Variants in ATP2C2 observed in about 807,000 individuals in gnomAD.
ATP2C2 encodes the protein calcium-transporting ATPase type 2C member 2.
ATP2C2 carries 171 observed loss-of-function variants against 110.8 expected under a neutral mutation model. The observed-to-expected ratio is 1.54, with a 90% CI of 1.36 to 1.75. The LOEUF (loss-of-function observed/expected upper bound fraction) is 1.75, where lower values mean the gene tolerates loss of function less well. ATP2C2 is among the 40% of genes most tolerant of loss of function. ATP2C2 has a pLI of 0.00. For synonymous variants in ATP2C2, 804 were observed against 508.4 expected (o/e 1.58, Z -7.82); for missense variants, 1,963 against 1,235.0 (o/e 1.59, Z -8.84).
chr16:84,447,950 G>A (rs948471292), intron 16 of ATP2C2, among the ~76,000 whole-genome samples: 6 of 151,368 alleles, frequency 4.0e-5, no homozygotes, highest in South Asian at 4.2e-4. Context: ...GTGCACCCAC[G>A]TGAGCCAGGT....
chr16:84,375,298 T>C (rs191810585), intron 1 of ATP2C2, among the ~76,000 whole-genome samples: 99 of 152,224 alleles, frequency 6.5e-4, no homozygotes, highest in African/African-American at 2.3e-3. Context: ...TCCCAGCACT[T>C]TGGGAGTCCC....
intron 11 of ATP2C2, 130 bp from the exon 12 acceptor site, chr16:84,439,036 T>C: frequency 7.3e-7 from 1 of 1,370,954 alleles, no homozygotes; most frequent in Non-Finnish European, 1.0e-6. Context: ...GGATTGGGAA[T>C]GGAGACTAGA....
At position 84,448,683 on chromosome 16, in the gene ATP2C2, T is replaced by A; in HGVS notation, c.1654T>A (p.Leu552Met). 1.2e-6 allele frequency: 2 copies of A among 1,611,738 alleles called. No homozygotes were observed. The highest frequency in any genetic ancestry group is 1.7e-6 in the Non-Finnish European group (2 of 1,178,728). Reference protein sequence around the residue: ...QEEKRMGSLGLRVLALASGPE... With the variant: ...QEEKRMGSLGMRVLALASGPE... ...AGAGAAGAGGATGGGGTCGCTCGGT[T>A]TGCGGGGTCAGTGCCTGTGGTCCCG... Residue 552 changes from leucine to methionine, a missense_variant, in exon 17 of 27, where the codon TTG (leucine) becomes ATG (methionine). Physicochemically the swap from Leu to Met is conservative, Grantham distance 15. Transcript: ENST00000262429.
In ATP2C2 at chr16:84,461,719, T is replaced by A; in HGVS notation, c.2487T>A (p.Pro829=). 6.2e-7 allele frequency: 1 copy of A among 1,614,120 alleles called. No individual in the cohort carries two copies. Among genetic ancestry groups the A allele is most frequent in the Non-Finnish European group, 8.5e-7 (1 of 1,179,954 alleles). ...CCTTTGTGCTCACCTTCCAGATGCC[T>A]GAAGACAGAGCAAGCACTCCCCGCA... ...GTLFIFWKEM[P]EDRASTPRTT... The change falls in exon 25 of 27, where the codon CCT becomes CCA. Residue 829 remains proline (P), a synonymous_variant. Transcript: ENST00000262429.
chr16:84,410,692 G>T lies in ATP2C2; in HGVS notation c.454-12G>T. ...CACCTTTAAACAGCACATCTGATGT[G>T]CTTCCTGCCAGGAGTACAGGTCGGA... On this transcript the variant is annotated splice_polypyrimidine_tract_variant and intron_variant, in intron 5 of 26. Transcript: ENST00000262429. The T allele has an allele frequency of 6.2e-7, 1 of 1,614,130 alleles. No homozygotes were observed. Among genetic ancestry groups the T allele is most frequent in the Non-Finnish European group, 8.5e-7 (1 of 1,179,996 alleles).
At chr16:84,389,242 G>C (rs1050766074) in intron 1 of ATP2C2, among the ~76,000 whole-genome samples, 1 of 152,134 alleles carries the variant, frequency 6.6e-6, no homozygotes, top group Non-Finnish European at 1.5e-5. Context: ...TCTTCCCTCA[G>C]CCCAGAAGGC....
intron 25 of ATP2C2, 37 bp from the exon 26 acceptor site, chr16:84,461,951 A>G: frequency 1.2e-6 from 2 of 1,610,092 alleles, no homozygotes; most frequent in South Asian, 2.2e-5. Context: ...TGGGGTGTGG[A>G]CAGCACACAA....
chr16:84,390,641 C>T (rs1904598868), intron 1 of ATP2C2, among the ~76,000 whole-genome samples: 1 of 152,030 alleles, frequency 6.6e-6, no homozygotes, highest in South Asian at 2.1e-4. Context: ...GTGGGGAGTG[C>T]CTGCTTCCTG....
At chr16:84,384,379 T>A (rs1392768749) in intron 1 of ATP2C2, among the ~76,000 whole-genome samples, 1 of 152,182 alleles carries the variant, frequency 6.6e-6, no homozygotes, top group Admixed American at 6.5e-5. Context: ...GTCTAATGTT[T>A]CCTCGGGATT....
chr16:84,446,292 G>C, intron 15 of ATP2C2, 37 bp from the exon 16 acceptor site: 3 of 1,317,018 alleles, frequency 2.3e-6, no homozygotes, highest in Admixed American at 2.1e-5. Context: ...ATTGGCTTCG[G>C]ATGACTCACT....
At position 84,415,535 on chromosome 16, in the gene ATP2C2, G is replaced by T; in HGVS notation, c.568G>T (p.Asp190Tyr). The T allele has an allele frequency of 6.2e-7, 1 of 1,614,174 alleles. No homozygotes were observed. The highest frequency in any genetic ancestry group is 8.5e-7 in the Non-Finnish European group (1 of 1,180,024). ...GCTTGCTCGAGAACTGGTTCCTGGT[G>T]ATGTCGTATCTCTCTCGATCGGAGA... is the stretch of plus-strand genomic sequence containing the variant. ...HLLARELVPG[D>Y]VVSLSIGDRI... The change falls in exon 7 of 27, where the codon GAT (aspartate) becomes TAT (tyrosine). Residue 190 changes from aspartate to tyrosine, a missense_variant. Coordinates refer to ENST00000262429, the MANE Select transcript of ATP2C2 (RefSeq NM_014861.4).
intron 13 of ATP2C2, among the ~76,000 whole-genome samples, chr16:84,439,730 C>T (rs1026640653): frequency 6.6e-6 from 1 of 152,186 alleles, no homozygotes; most frequent in Non-Finnish European, 1.5e-5. Flanking sequence ...AGGTAGCCTC[C>T]TTTTTTAGTT....
chr16:84,402,533 G>C (rs1184112077), intron 2 of ATP2C2, among the ~76,000 whole-genome samples: 1 of 151,990 alleles, frequency 6.6e-6, no homozygotes, highest in Non-Finnish European at 1.5e-5. Flanking sequence ...ATTCTGTCAC[G>C]TTTTTTCAGC....
In ATP2C2 at chr16:84,442,484, C is replaced by T. The variant is rs754337546; in HGVS notation, c.1312-26C>T. ...TTTTTCATGAGCCCAGTACTAACTA[C>T]AGATGTCCGGACAATCCCCTTTTAG... is the stretch of plus-strand genomic sequence containing the variant. On this transcript the variant is annotated intron_variant, in intron 14 of 26. Transcript: ENST00000262429. 5.0e-6 allele frequency: 8 copies of T among 1,611,928 alleles called. No individual in the cohort carries two copies. In the African/African-American group the frequency reaches 5.3e-5, roughly 11 times the overall value.
intron 26 of ATP2C2, chr16:84,462,333 G>T (rs1213328791): frequency 1.6e-6 from 1 of 641,580 alleles, no homozygotes; most frequent in East Asian, 2.9e-5. Flanking sequence ...AAACCCCTAG[G>T]AAGAGGCCTG....
At chr16:84,429,438 C>G (rs1036533091) in intron 11 of ATP2C2, among the ~76,000 whole-genome samples, 1 of 152,220 alleles carries the variant, frequency 6.6e-6, no homozygotes, top group Admixed American at 6.5e-5. Flanking sequence ...CAGGTGTGAG[C>G]CAGTGCTTCC....
intron 1 of ATP2C2, among the ~76,000 whole-genome samples, chr16:84,389,624 C>G (rs762223586): frequency 6.6e-6 from 1 of 152,106 alleles, no homozygotes; most frequent in African/African-American, 2.4e-5. Flanking sequence ...GACGAGGACT[C>G]CTGCTGTCCC....
intron 20 of ATP2C2, among the ~76,000 whole-genome samples, chr16:84,453,852 G>A (rs1910547814): frequency 6.6e-6 from 1 of 152,048 alleles, no homozygotes; most frequent in East Asian, 1.9e-4. Flanking sequence ...CTGGGGGTGG[G>A]GTTGTAGGTA....
At chr16:84,447,344 G>A (rs1909844148) in intron 16 of ATP2C2, among the ~76,000 whole-genome samples, 1 of 152,036 alleles carries the variant, frequency 6.6e-6, no homozygotes, top group African/African-American at 2.4e-5. Context: ...TCCCTTGCAA[G>A]GCAATGGTAA....
Sources: allele counts gnomAD v4.1 joint callset (sites outside exome capture counted in the v4.1 genomes callset), GRCh38; gene constraint gnomAD v4.1.1; transcripts MANE v1.5; gene names NCBI Gene and HGNC (gene_info 2026-07-23, HGNC 2026-07-21).